TENM2: variants seen among roughly 807,000 people sequenced by gnomAD.
The protein encoded by TENM2 is teneurin-2.
In TENM2, 52 loss-of-function variants were observed where a neutral mutation model predicts 245.2. The observed-to-expected ratio is 0.21, with a 90% CI of 0.17 to 0.27. TENM2 has a LOEUF of 0.27. Among genes scored for constraint, TENM2 ranks in the 10% least tolerant of loss-of-function variants. The probability of loss-of-function intolerance (pLI) is 1.00; values close to 1 mark genes in which losing one functional copy is unlikely to be tolerated. For synonymous variants in TENM2, 1,363 were observed against 1,438.9 expected, an observed-to-expected ratio of 0.95 and a Z score of 1.19; for missense variants, 3,046 against 3,666.8, an observed-to-expected ratio of 0.83 and a Z score of 4.37.
intron 20 of TENM2, among the ~76,000 whole-genome samples, chr5:168,213,506 C>T (rs1215467520): frequency 1.3e-5 from 2 of 152,058 alleles, no homozygotes; most frequent in Non-Finnish European, 2.9e-5. Flanking sequence ...CCCTGTCTTC[C>T]CATCACCCCA....
intron 2 of TENM2, among the ~76,000 whole-genome samples, chr5:167,756,540 G>T (rs1020899972): frequency 1.3e-5 from 2 of 152,156 alleles, no homozygotes; most frequent in African/African-American, 4.8e-5. Flanking sequence ...AATCTGAGTA[G>T]AAGAGATATG....
intron 3 of TENM2, among the ~76,000 whole-genome samples, chr5:167,923,503 C>T (rs538405898): frequency 3.9e-5 from 6 of 152,134 alleles, no homozygotes; most frequent in South Asian, 2.1e-4. Flanking sequence ...TCAGAACCTC[C>T]GCCGCTGAGG....
At chr5:167,723,581 T>C (rs116327327) in intron 2 of TENM2, among the ~76,000 whole-genome samples, 1,831 of 152,332 alleles carry the variant, frequency 0.012, 17 homozygotes, top group South Asian at 0.02. Context: ...CAGTTTCTTC[T>C]CTGACCTCCT....
At chr5:167,259,809 T>C in the TENM2 span, among the ~76,000 whole-genome samples, 1 of 152,152 alleles carries the variant, frequency 6.6e-6, no homozygotes, top group South Asian at 2.1e-4. Flanking sequence ...TTGCTTCTCA[T>C]GAAGGGTGTT....
At chr5:167,358,403 T>A (rs6877641) in intron 1 of TENM2, among the ~76,000 whole-genome samples, 2,710 of 151,946 alleles carry the variant, frequency 0.018, 86 homozygotes, top group African/African-American at 0.061. Flanking sequence ...CATACTTTCT[T>A]CATTTAGATT....
At chr5:167,666,177 C>G (rs1411524020) in intron 2 of TENM2, among the ~76,000 whole-genome samples, 1 of 152,216 alleles carries the variant, frequency 6.6e-6, no homozygotes, top group Admixed American at 6.5e-5. Flanking sequence ...TGTGCCAGCA[C>G]GGACCTTCCC....
In TENM2 at chr5:167,837,153, T is replaced by G. The variant is rs990117214; in HGVS notation, c.503-38833T>G. ...TATTTCTCACATGATTTACTATTCT[T>G]GTAAAATTTTATTTGTAAGGACTAC... On this transcript the variant is annotated intron_variant, in intron 2 of 28. Transcript: ENST00000518659. 2.6e-5 allele frequency among the ~76,000 whole-genome samples: 4 copies of G among 152,126 alleles called. No individual in the cohort carries two copies. In the East Asian group the frequency reaches 7.7e-4, roughly 29 times the overall value.
chr5:167,424,468 A>G (rs1267626714), intron 2 of TENM2, among the ~76,000 whole-genome samples: 1 of 152,196 alleles, frequency 6.6e-6, no homozygotes, highest in Non-Finnish European at 1.5e-5. Flanking sequence ...TTTCCATTTT[A>G]TAATAAAACT....
At chr5:167,984,717 G>A (rs1376148336) in intron 4 of TENM2, among the ~76,000 whole-genome samples, 1 of 152,160 alleles carries the variant, frequency 6.6e-6, no homozygotes, top group Non-Finnish European at 1.5e-5. Flanking sequence ...TTTGCAAACA[G>A]GAAAATAAAG....
At chr5:167,818,604 G>C (rs1430413653) in intron 2 of TENM2, among the ~76,000 whole-genome samples, 1 of 152,132 alleles carries the variant, frequency 6.6e-6, no homozygotes, top group Non-Finnish European at 1.5e-5. Flanking sequence ...ATGACTGGCA[G>C]ACCCTTAGGC....
intron 2 of TENM2, among the ~76,000 whole-genome samples, chr5:167,621,771 T>A (rs1427348236): frequency 6.6e-6 from 1 of 152,182 alleles, no homozygotes; most frequent in African/African-American, 2.4e-5. Context: ...AGTGTGGCCA[T>A]GGCCCACCTG....
At chr5:168,059,370 T>C (rs139017026) in intron 6 of TENM2, among the ~76,000 whole-genome samples, 7 of 152,334 alleles carry the variant, frequency 4.6e-5, no homozygotes, top group African/African-American at 1.7e-4. Flanking sequence ...CTCTTTTTCA[T>C]ATCCTGTCAT....
At chr5:167,452,946 T>TATATATATATTTTAA (rs1561968085) in intron 2 of TENM2, among the ~76,000 whole-genome samples, 1 of 10,848 alleles carries the variant, frequency 9.2e-5, no homozygotes, top group African/African-American at 1.9e-4. Context: ...TATATATATA[T>TATATATATATTTTAA]ATATATATAT....
In TENM2 at chr5:167,311,230, T is replaced by G. The variant is rs139049629; in HGVS notation, c.226+26167T>G. Among the ~76,000 whole-genome samples, 701 of 152,338 alleles carry G rather than the reference T, an allele frequency of 4.6e-3. 3 individuals are homozygous for G. The highest frequency in any genetic ancestry group is 0.024 in the South Asian group (118 of 4,826). Reference sequence around the variant, plus strand: ...AAGAGTCTTTTAAATTACTTTGCGCTGTACTCCTTTTTGCTGGTTATAAAA... The same window carrying G: ...AAGAGTCTTTTAAATTACTTTGCGCGGTACTCCTTTTTGCTGGTTATAAAA... On this transcript the variant is annotated intron_variant, in intron 1 of 28. Coordinates refer to ENST00000518659, the Ensembl canonical transcript of TENM2.
At chr5:167,872,064 C>T (rs949091279) in intron 2 of TENM2, among the ~76,000 whole-genome samples, 1 of 151,846 alleles carries the variant, frequency 6.6e-6, no homozygotes, top group African/African-American at 2.4e-5. Context: ...GAGGCTGAGG[C>T]AGGTGGAGGC....
chr5:167,210,715 G>A, the TENM2 span, among the ~76,000 whole-genome samples: 4 of 150,946 alleles, frequency 2.6e-5, no homozygotes, highest in East Asian at 2.0e-4. Context: ...CACCCGCCTC[G>A]GCCTCCCAAA....
the TENM2 span, among the ~76,000 whole-genome samples, chr5:167,153,636 T>C: frequency 6.6e-6 from 1 of 152,010 alleles, no homozygotes; most frequent in Non-Finnish European, 1.5e-5. Context: ...ACTCTCTCTA[T>C]ATATTTCCTT....
the TENM2 span, among the ~76,000 whole-genome samples, chr5:167,161,717 C>T: frequency 6.6e-6 from 1 of 152,104 alleles, no homozygotes; most frequent in Non-Finnish European, 1.5e-5. Context: ...TGTAATCACA[C>T]CTTAATCTTG....
chr5:167,705,426 T>C (rs1758438355), intron 2 of TENM2, among the ~76,000 whole-genome samples: 1 of 152,180 alleles, frequency 6.6e-6, no homozygotes, highest in Non-Finnish European at 1.5e-5. Context: ...CCCAGCTTGG[T>C]TGATCTGGAT....
Sources: gnomAD v4.1 joint callset for allele counts (sites outside exome capture counted in the v4.1 genomes callset) on GRCh38, gnomAD v4.1.1 for gene constraint, MANE v1.5 for transcripts, NCBI Gene and HGNC (gene_info 2026-07-23, HGNC 2026-07-21) for gene names.